Variants in SLC35F4 observed in about 807,000 individuals in gnomAD.
The protein encoded by SLC35F4 is chromosome 14 open reading frame 36.
SLC35F4 carries 24 observed loss-of-function variants against 44.2 expected under a neutral mutation model. The ratio of observed to expected loss-of-function variants is 0.54; its 90% CI spans 0.39 to 0.76. SLC35F4 has a LOEUF of 0.76. SLC35F4 is among the 30% of genes least tolerant of loss of function. The pLI is 0.00. For synonymous variants in SLC35F4, 238 were observed against 223.6 expected (o/e 1.06, Z -0.57); for missense variants, 562 against 586.1 (o/e 0.96, Z 0.42).
At chr14:57,907,790 AC>A (rs985552594) in intron 1 of SLC35F4, among the ~76,000 whole-genome samples, 1 of 152,004 alleles carries the variant, frequency 6.6e-6, no homozygotes, top group African/African-American at 2.4e-5. Context: ...TACATGCATA[AC>A]CAGGATACTT....
At chr14:57,594,243 G>A (rs1227715706) in intron 1 of SLC35F4, 119 bp from the exon 2 acceptor site, 1 of 999,344 alleles carries the variant, frequency 1.0e-6, no homozygotes, top group East Asian at 2.7e-5. Flanking sequence ...AGGCTAGAGT[G>A]CAGTGGTGTG....
intron 1 of SLC35F4, among the ~76,000 whole-genome samples, chr14:57,688,899 G>A (rs1230343709): frequency 6.6e-6 from 1 of 152,108 alleles, no homozygotes; most frequent in East Asian, 1.9e-4. Flanking sequence ...CAATTAACCT[G>A]GTTAAAACAG....
At chr14:57,965,996 A>G (rs1890431300) in intron 1 of SLC35F4, among the ~76,000 whole-genome samples, 3 of 152,234 alleles carry the variant, frequency 2.0e-5, no homozygotes, top group Admixed American at 2.0e-4. Flanking sequence ...AACTGCCAGT[A>G]GGACCCAGCA....
chr14:57,951,252 G>A (rs756187737), intron 1 of SLC35F4, among the ~76,000 whole-genome samples: 16 of 152,096 alleles, frequency 1.1e-4, no homozygotes, highest in Non-Finnish European at 1.3e-4. Context: ...GTTCATTACA[G>A]CCCAGATACT....
At chr14:57,649,871 G>A (rs1448866703) in intron 1 of SLC35F4, among the ~76,000 whole-genome samples, 1 of 152,000 alleles carries the variant, frequency 6.6e-6, no homozygotes, top group Non-Finnish European at 1.5e-5. Context: ...AGTTTTTCTG[G>A]GGCAGGTGGG....
intron 1 of SLC35F4, among the ~76,000 whole-genome samples, chr14:57,960,024 C>A (rs1003683951): frequency 6.6e-6 from 1 of 152,144 alleles, no homozygotes; most frequent in African/African-American, 2.4e-5. Flanking sequence ...AGAGACAGGG[C>A]TCTGGAGCCA....
At chr14:57,599,862 G>A (rs553076922) in intron 1 of SLC35F4, among the ~76,000 whole-genome samples, 9 of 151,610 alleles carry the variant, frequency 5.9e-5, no homozygotes, top group African/African-American at 1.7e-4. Flanking sequence ...GGGTTGCTTG[G>A]CTTAGGTCAT....
At chr14:57,900,378 A>G (rs1888974837) in intron 1 of SLC35F4, among the ~76,000 whole-genome samples, 1 of 152,130 alleles carries the variant, frequency 6.6e-6, no homozygotes, top group Non-Finnish European at 1.5e-5. Flanking sequence ...GGGTGGAGTG[A>G]TACACCAATT....
chr14:57,776,442 G>A (rs528978183), intron 1 of SLC35F4, among the ~76,000 whole-genome samples: 48 of 152,124 alleles, frequency 3.2e-4, no homozygotes, highest in Middle Eastern at 3.4e-3. Flanking sequence ...GGCCACGGGC[G>A]GATCACGAGG....
At chr14:57,780,723 G>A (rs1046731874) in intron 1 of SLC35F4, among the ~76,000 whole-genome samples, 2 of 152,096 alleles carry the variant, frequency 1.3e-5, no homozygotes, top group Middle Eastern at 3.4e-3. Flanking sequence ...GCATGGTACT[G>A]GTATAAAAAC....
intron 1 of SLC35F4, among the ~76,000 whole-genome samples, chr14:57,897,814 A>G (rs1321432078): frequency 6.6e-6 from 1 of 152,170 alleles, no homozygotes; most frequent in Non-Finnish European, 1.5e-5. Context: ...GCCCCCACAA[A>G]TGGTATCATC....
intron 1 of SLC35F4, among the ~76,000 whole-genome samples, chr14:57,693,286 G>T (rs2075285411): frequency 6.6e-6 from 1 of 152,100 alleles, no homozygotes; most frequent in Non-Finnish European, 1.5e-5. Context: ...ATTTGTTGTT[G>T]GTAATAGGCC....
chr14:57,887,903 G>A (rs1888685223), intron 1 of SLC35F4, among the ~76,000 whole-genome samples: 1 of 152,156 alleles, frequency 6.6e-6, no homozygotes, highest in African/African-American at 2.4e-5. Context: ...ACACGCACAT[G>A]CACACCATTC....
intron 1 of SLC35F4, among the ~76,000 whole-genome samples, chr14:57,609,906 G>T (rs1454122922): frequency 6.6e-6 from 1 of 152,118 alleles, no homozygotes; most frequent in Non-Finnish European, 1.5e-5. Flanking sequence ...TGTGTTCCTA[G>T]CCTCCAGGAA....
chr14:57,802,511 A>G (rs2078215270), intron 1 of SLC35F4, among the ~76,000 whole-genome samples: 2 of 152,100 alleles, frequency 1.3e-5, no homozygotes, highest in Non-Finnish European at 2.9e-5. Flanking sequence ...CCCTTTGAAA[A>G]AAAAAATCAA....
intron 1 of SLC35F4, among the ~76,000 whole-genome samples, chr14:57,772,880 GA>G (rs1435558528): frequency 6.6e-6 from 1 of 152,168 alleles, no homozygotes; most frequent in African/African-American, 2.4e-5. Context: ...CCAATAGTGG[GA>G]TTGCCAGATC....
intron 1 of SLC35F4, among the ~76,000 whole-genome samples, chr14:57,610,530 T>C (rs1340638179): frequency 6.6e-6 from 1 of 152,228 alleles, no homozygotes; most frequent in Non-Finnish European, 1.5e-5. Context: ...TTTTCAACTT[T>C]AAAAACTCTA....
intron 1 of SLC35F4, among the ~76,000 whole-genome samples, chr14:57,771,959 G>A (rs2077375387): frequency 6.6e-6 from 1 of 152,034 alleles, no homozygotes; most frequent in South Asian, 2.1e-4. Flanking sequence ...TTCACCATAT[G>A]TTCTCATAGG....
intron 1 of SLC35F4, among the ~76,000 whole-genome samples, chr14:57,925,495 A>G (rs28750251): frequency 3.0e-4 from 16 of 54,184 alleles, no homozygotes; most frequent in African/African-American, 8.9e-4. Context: ...GGAAGGAAGG[A>G]AGGGAGGGAG....
Sources: gnomAD v4.1 joint callset for allele counts (sites outside exome capture counted in the v4.1 genomes callset) on GRCh38, gnomAD v4.1.1 for gene constraint, MANE v1.5 for transcripts, NCBI Gene and HGNC (gene_info 2026-07-23, HGNC 2026-07-21) for gene names.